Variants in PIK3C2G observed in about 807,000 individuals in gnomAD.
PIK3C2G encodes phosphatidylinositol-4-phosphate 3-kinase catalytic subunit type 2 gamma, also known as phosphatidylinositol 3-kinase C2 domain-containing subunit gamma.
PIK3C2G carries 168 observed loss-of-function variants against 181.1 expected under a neutral mutation model. The observed-to-expected ratio is 0.93, with a 90% CI of 0.82 to 1.05. The LOEUF is 1.05. Among genes scored for constraint, PIK3C2G ranks in the 50% least tolerant of loss-of-function variants. The pLI is 0.00. For synonymous variants in PIK3C2G, 573 were observed against 592.2 expected, an observed-to-expected ratio of 0.97 and a Z score of 0.47; for missense variants, 1,869 against 1,732.8, an observed-to-expected ratio of 1.08 and a Z score of -1.40.
intron 7 of PIK3C2G, among the ~76,000 whole-genome samples, chr12:18,323,406 C>T (rs1171066920): frequency 2.0e-5 from 3 of 152,176 alleles, no homozygotes; most frequent in Admixed American, 2.0e-4. Flanking sequence ...GCAACCATCA[C>T]ACAAATATTT....
chr12:18,577,025 G>A (rs1946263474), intron 29 of PIK3C2G, among the ~76,000 whole-genome samples: 1 of 152,222 alleles, frequency 6.6e-6, no homozygotes, highest in African/African-American at 2.4e-5. Context: ...TATGTAAGCT[G>A]AGGCCAATAA....
intron 30 of PIK3C2G, among the ~76,000 whole-genome samples, chr12:18,604,552 G>A (rs1466957020): frequency 6.6e-6 from 1 of 152,136 alleles, no homozygotes; most frequent in Admixed American, 6.6e-5. Context: ...GGACTTAACA[G>A]ATATATCTAG....
At chr12:18,643,509 A>C (rs994235813) in intron 32 of PIK3C2G, among the ~76,000 whole-genome samples, 1 of 152,028 alleles carries the variant, frequency 6.6e-6, no homozygotes, top group African/African-American at 2.4e-5. Context: ...GTGAATTCCA[A>C]GAGCCAAAAG....
chr12:18,662,307 C>CGT, the PIK3C2G span, among the ~76,000 whole-genome samples: 2 of 90,780 alleles, frequency 2.2e-5, no homozygotes, highest in African/African-American at 6.2e-5. Context: ...TACCTCTAAA[C>CGT]ATAAAGGTTT....
chr12:18,665,181 TA>T, the PIK3C2G span, among the ~76,000 whole-genome samples: 2 of 151,170 alleles, frequency 1.3e-5, no homozygotes, highest in African/African-American at 4.9e-5. Context: ...AAAAAAAAAT[TA>T]AAAAAAATAA....
At chr12:18,554,465 T>G (rs2136301332) in intron 26 of PIK3C2G, among the ~76,000 whole-genome samples, 1 of 152,196 alleles carries the variant, frequency 6.6e-6, no homozygotes, top group South Asian at 2.1e-4. Context: ...CTGTAAAGTT[T>G]GGAGTCAAAT....
At chr12:18,473,300 T>C (rs1393841580) in intron 18 of PIK3C2G, among the ~76,000 whole-genome samples, 1 of 152,226 alleles carries the variant, frequency 6.6e-6, no homozygotes, top group Non-Finnish European at 1.5e-5. Flanking sequence ...ATTGTTGTTG[T>C]TTAATTTCAC....
intron 31 of PIK3C2G, among the ~76,000 whole-genome samples, chr12:18,623,113 T>A (rs1350873070): frequency 6.6e-6 from 1 of 151,884 alleles, no homozygotes; most frequent in Non-Finnish European, 1.5e-5. Flanking sequence ...TAAAAAATCA[T>A]TGCTCAGACC....
intron 16 of PIK3C2G, among the ~76,000 whole-genome samples, chr12:18,403,589 C>G (rs1191337374): frequency 6.6e-6 from 1 of 152,136 alleles, no homozygotes; most frequent in African/African-American, 2.4e-5. Context: ...CTCTTGACAA[C>G]TGGTGTGCTC....
At chr12:18,493,059 C>T (rs1223158743) in intron 20 of PIK3C2G, 1 of 152,314 alleles carries the variant, frequency 6.6e-6, no homozygotes, top group African/African-American at 2.4e-5. Context: ...ATCTATCCTC[C>T]AGTCCCATTG....
intron 1 of PIK3C2G, among the ~76,000 whole-genome samples, chr12:18,252,456 A>G (rs1948104475): frequency 6.6e-6 from 1 of 152,192 alleles, no homozygotes; most frequent in Non-Finnish European, 1.5e-5. Context: ...AGTCACCTGT[A>G]ATAAAAGATT....
chr12:18,653,613 G>C, the PIK3C2G span, among the ~76,000 whole-genome samples: 1 of 152,098 alleles, frequency 6.6e-6, no homozygotes, highest in Non-Finnish European at 1.5e-5. Flanking sequence ...AGTGGTTTTA[G>C]GGTGACAGAG....
chr12:18,458,940 A>G (rs61914363), intron 18 of PIK3C2G, among the ~76,000 whole-genome samples: 22,479 of 151,844 alleles, frequency 0.15, 1,830 homozygotes, highest in African/African-American at 0.21. Context: ...CTCAACAAGC[A>G]TAGAAGTGAG....
chr12:18,366,832 A>G (rs943460173), intron 12 of PIK3C2G, among the ~76,000 whole-genome samples: 4 of 151,652 alleles, frequency 2.6e-5, no homozygotes, highest in South Asian at 2.1e-4. Flanking sequence ...ACTTTTAAGT[A>G]GCTATACAAA....
chr12:18,687,072 A>G, the PIK3C2G span, among the ~76,000 whole-genome samples: 11 of 152,230 alleles, frequency 7.2e-5, no homozygotes, highest in Non-Finnish European at 2.9e-5. Context: ...ACACAGCCGT[A>G]GCAATGTGCC....
upstream of PIK3C2G, among the ~76,000 whole-genome samples, chr12:18,243,188 G>C (rs565206747): frequency 1.7e-5 from 2 of 119,090 alleles, no homozygotes; most frequent in South Asian, 5.6e-4. Context: ...ATCCTATAAA[G>C]TCTTTCTGTG....
chr12:18,677,934 G>A, the PIK3C2G span, among the ~76,000 whole-genome samples: 1 of 152,198 alleles, frequency 6.6e-6, no homozygotes, highest in Admixed American at 6.6e-5. Context: ...TGTATGTGGT[G>A]TGTTTGTGTG....
At chr12:18,487,937 T>C (rs1049714670) in intron 18 of PIK3C2G, among the ~76,000 whole-genome samples, 23 of 152,150 alleles carry the variant, frequency 1.5e-4, no homozygotes, top group Admixed American at 1.5e-3. Context: ...CAAAAAACCA[T>C]GCTCTTGCCT....
the PIK3C2G span, among the ~76,000 whole-genome samples, chr12:18,658,132 T>C: frequency 1.3e-5 from 2 of 152,126 alleles, no homozygotes; most frequent in African/African-American, 2.4e-5. Context: ...GTAAGTTCAT[T>C]GAGATTTCCT....
Sources: allele counts gnomAD v4.1 joint callset (sites outside exome capture counted in the v4.1 genomes callset), GRCh38; gene constraint gnomAD v4.1.1; transcripts MANE v1.5; gene names NCBI Gene and HGNC (gene_info 2026-07-23, HGNC 2026-07-21).